Variants in USP7 observed in about 807,000 individuals in gnomAD.
USP7 encodes ubiquitin C-terminal hydrolase 7.
Under a neutral mutation model 162.9 loss-of-function variants are expected in USP7, and 9 were observed. The ratio of observed to expected loss-of-function variants is 0.06; its 90% CI spans 0.03 to 0.10. The LOEUF is 0.10. Among genes scored for constraint, USP7 ranks in the 10% least tolerant of loss-of-function variants. The probability of loss-of-function intolerance (pLI) is 1.00; values close to 1 mark genes in which losing one functional copy is unlikely to be tolerated. For missense variants in USP7, 715 were observed against 1,373.7 expected, an observed-to-expected ratio of 0.52 and a Z score of 7.58; for synonymous variants, 562 against 475.9, an observed-to-expected ratio of 1.18 and a Z score of -2.35.
Position 8,901,320 on chromosome 16 carries a change from GAA to G in USP7, c.2048-88_2048-87del, listed in dbSNP as rs60094465. 5.9e-3 allele frequency: 3,850 copies of G among 654,750 alleles called. 17 individuals are homozygous for G. The highest frequency in any genetic ancestry group is 0.024 in the African/African-American group (1,266 of 53,374). The allele number at this position is 654,750 out of a possible 1,614,324, so 40.6% of individuals were successfully genotyped here. ...CAAAAAAACAAACAAACAAAAAAAC[GAA>G]AAAAAAAAAACAGTAAGCTGAATAG... On this transcript the variant is annotated intron_variant, in intron 18 of 30. Transcript: ENST00000344836.
At chr16:8,894,969 C>G in intron 28 of USP7, 62 bp downstream of exon 28, 2 of 1,613,378 alleles carry the variant, frequency 1.2e-6, no homozygotes, top group Non-Finnish European at 1.7e-6. Context: ...GATTCGGCAA[C>G]AGCGGCCACT....
chr16:8,947,090 G>GT (rs1229635342), intron 1 of USP7, among the ~76,000 whole-genome samples: 7 of 151,988 alleles, frequency 4.6e-5, no homozygotes, highest in South Asian at 4.2e-4. Context: ...CATTCCTCCT[G>GT]TTTTTTTCAG....
At chr16:8,929,721 T>C (rs1205903707) in intron 2 of USP7, among the ~76,000 whole-genome samples, 3 of 152,080 alleles carry the variant, frequency 2.0e-5, no homozygotes, top group Non-Finnish European at 4.4e-5. Flanking sequence ...GAAGGAATGG[T>C]CTCGGAAGAA....
At position 8,893,220 on chromosome 16, in the gene USP7, T is replaced by C. The variant is rs550123771; in HGVS notation, c.*778A>G. On this transcript the variant is annotated 3_prime_UTR_variant, in exon 31 of 31. Transcript: ENST00000344836. ...GGCTTTCTTGTCGTCTGTTCCACTT[T>C]AACGAAATTCTATTTATAATCCTTT... 6 of 152,390 alleles carry C rather than the reference T, an allele frequency of 3.9e-5. No individual in the cohort carries two copies. Among genetic ancestry groups the C allele is most frequent in the African/African-American group, 1.4e-4 (6 of 41,598 alleles). The allele number at this position is 152,390 out of a possible 1,614,324, so 9.4% of individuals were successfully genotyped here.
At chr16:8,898,499 T>TGACC (rs1341005471) in intron 24 of USP7, 32 bp downstream of exon 24, 1 of 1,605,712 alleles carries the variant, frequency 6.2e-7, no homozygotes, top group East Asian at 2.2e-5. Flanking sequence ...CTTCTCTTTA[T>TGACC]GACCCATAGT....
At chr16:8,913,356 A>G (rs1340720070) in intron 10 of USP7, among the ~76,000 whole-genome samples, 1 of 152,118 alleles carries the variant, frequency 6.6e-6, no homozygotes, top group Non-Finnish European at 1.5e-5. Context: ...ACTCCCTCTC[A>G]AAAAGAGGAG....
chr16:8,938,454 TG>T (rs1486425052), intron 1 of USP7, among the ~76,000 whole-genome samples: 2 of 152,126 alleles, frequency 1.3e-5, no homozygotes, highest in African/African-American at 4.8e-5. Flanking sequence ...GGCTTACACC[TG>T]TAATCCCAGC....
chr16:8,912,785 C>A (rs1010920968), intron 10 of USP7, among the ~76,000 whole-genome samples: 7 of 146,618 alleles, frequency 4.8e-5, no homozygotes, highest in Admixed American at 3.4e-4. Context: ...TTGATAAATA[C>A]ATAGAAAAAA....
At chr16:8,927,429 A>G (rs185151369) in intron 2 of USP7, among the ~76,000 whole-genome samples, 9 of 152,320 alleles carry the variant, frequency 5.9e-5, no homozygotes, top group Admixed American at 5.9e-4. Context: ...GATTTTAGCA[A>G]ACTTCTGCTC....
At position 8,898,344 on chromosome 16, in the gene USP7, T is replaced by A. The variant is rs1291191077; in HGVS notation, c.2718+16A>T. On this transcript the variant is annotated intron_variant, in intron 25 of 30. Transcript: ENST00000344836. ...TTCCAATAAAAATTAAAATTCATAG[T>A]ATTAAAAAAACTTACCTCTTCCCTA... 2 of 1,576,860 alleles carry A rather than the reference T, an allele frequency of 1.3e-6. No homozygotes were observed. The highest frequency in any genetic ancestry group is 1.7e-6 in the Non-Finnish European group (2 of 1,157,660).
chr16:8,897,791 T>TG (rs1020121732), intron 25 of USP7, among the ~76,000 whole-genome samples: 12 of 138,730 alleles, frequency 8.6e-5, no homozygotes, highest in African/African-American at 3.0e-4. Context: ...CCTAGCTACT[T>TG]GGGGGGCTGA....
intron 28 of USP7, 23 bp from the exon 29 acceptor site, chr16:8,894,878 C>A (rs371677950): frequency 1.2e-6 from 2 of 1,614,058 alleles, no homozygotes; most frequent in Non-Finnish European, 1.7e-6. Context: ...AGGACATGTG[C>A]TCACACAGTC....
At position 8,963,269 on chromosome 16, in the gene USP7, TG is replaced by T; in HGVS notation, c.16del (p.Gln6SerfsTer12). MNHQQ[Q>X]QQQQKAGEQQ... ...CTCGCCCGCTTTCTGCTGCTGCTGC[TG>T]CTGCTGGTGGTTCATGTCGGCCGCG... is the stretch of plus-strand genomic sequence containing the variant. On this transcript the variant is annotated frameshift_variant, in exon 1 of 31. Transcript: ENST00000344836. LOFTEE classifies it high-confidence loss of function. The T allele has an allele frequency of 7.4e-7, 1 of 1,353,530 alleles. No homozygotes were observed. Among genetic ancestry groups the T allele is most frequent in the Non-Finnish European group, 9.6e-7 (1 of 1,039,518 alleles). 83.8% of individuals were successfully genotyped at this position (1,353,530 alleles called of 1,614,324 possible).
chr16:8,900,855 A>T, intron 20 of USP7, 135 bp downstream of exon 20: 1 of 891,794 alleles, frequency 1.1e-6, no homozygotes, highest in Admixed American at 3.2e-5. Context: ...TAAATATGTC[A>T]TTCTCAAGAT....
chr16:8,963,246 C>T lies in USP7; in HGVS notation c.40G>A (p.Glu14Lys). Residue 14 changes from glutamate to lysine, a missense_variant, in exon 1 of 31, where the codon GAG becomes AAG. Around this residue, in one of 11 missense-constraint regions of USP7, gnomAD observed 137 missense variants for 123.5 expected, o/e 1.11. Transcript: ENST00000344836. Reference sequence around the variant, plus strand: ...TCCTCGGGCTCGCTCAACTGCTGCTCGCCCGCTTTCTGCTGCTGCTGCTGC... The same window carrying T: ...TCCTCGGGCTCGCTCAACTGCTGCTTGCCCGCTTTCTGCTGCTGCTGCTGC... Reference protein sequence around the residue: ...QQQQQQQKAGEQQLSEPEDME... With the variant: ...QQQQQQQKAGKQQLSEPEDME... 7.2e-7 allele frequency: 1 copy of T among 1,389,864 alleles called. No individual in the cohort carries two copies. The highest frequency in any genetic ancestry group is 9.4e-7 in the Non-Finnish European group (1 of 1,060,590). The allele number at this position is 1,389,864 out of a possible 1,614,324, so 86.1% of individuals were successfully genotyped here.
intron 8 of USP7, among the ~76,000 whole-genome samples, chr16:8,915,973 C>A (rs1897346604): frequency 6.6e-6 from 1 of 152,224 alleles, no homozygotes; most frequent in Non-Finnish European, 1.5e-5. Flanking sequence ...CCTTGCCCAG[C>A]CAATCACCTT....
Position 8,905,696 on chromosome 16 carries a change from C to A in USP7, c.1429-365G>T, listed in dbSNP as rs76802066. Among the ~76,000 whole-genome samples, 676 of 152,328 alleles carry A rather than the reference C, an allele frequency of 4.4e-3. 5 individuals are homozygous for A. Among genetic ancestry groups the A allele is most frequent in the African/African-American group, 0.015 (608 of 41,574 alleles). ...AAAAGGCCATACTGAGCACACCAAA[C>A]GAGAGTTCAAATTTTATCCTTTAGT... On this transcript the variant is annotated intron_variant, in intron 13 of 30. Coordinates refer to ENST00000344836, the MANE Select transcript of USP7 (RefSeq NM_003470.3).
intron 2 of USP7, among the ~76,000 whole-genome samples, chr16:8,925,241 T>C (rs1897926874): frequency 6.6e-6 from 1 of 152,228 alleles, no homozygotes; most frequent in African/African-American, 2.4e-5. Context: ...CACAGTGACC[T>C]GACTCTGGTT....
intron 1 of USP7, among the ~76,000 whole-genome samples, chr16:8,957,480 A>T (rs1260366430): frequency 1.4e-5 from 2 of 138,310 alleles, no homozygotes; most frequent in African/African-American, 5.0e-5. Context: ...GAGGTGGCTC[A>T]CACCTATAAT....
Sources: allele counts gnomAD v4.1 joint callset (sites outside exome capture counted in the v4.1 genomes callset), GRCh38; gene constraint gnomAD v4.1.1; regional missense constraint gnomAD v4.1.1; transcripts MANE v1.5; gene names NCBI Gene and HGNC (gene_info 2026-07-23, HGNC 2026-07-21).